MID1: variants seen among roughly 807,000 people sequenced by gnomAD.
MID1 encodes E3 ubiquitin-protein ligase Midline-1.
MID1 carries 7 observed loss-of-function variants against 40.4 expected under a neutral mutation model. The observed-to-expected ratio is 0.17, with a 90% CI of 0.10 to 0.33. MID1 has a LOEUF of 0.33. MID1 is among the 10% of genes least tolerant of loss of function. The pLI is 1.00. For missense variants in MID1, 367 were observed against 558.5 expected (o/e 0.66, Z 3.46); for synonymous variants, 229 against 221.2 (o/e 1.04, Z -0.31).
chrX:10,577,421 CT>C (rs1234957295), intron 1 of MID1, among the ~76,000 whole-genome samples: 1 of 111,445 alleles, frequency 9.0e-6, no homozygotes, highest in Non-Finnish European at 1.9e-5. Flanking sequence ...CCTTTATCTT[CT>C]GAATTAATGT....
chrX:10,544,952 G>GTTTGT (rs926018235), intron 2 of MID1, among the ~76,000 whole-genome samples: 8 of 111,775 alleles, frequency 7.2e-5, no homozygotes, highest in Non-Finnish European at 1.5e-4. Flanking sequence ...TTGTTTGTTT[G>GTTTGT]TTTGTTTTGT....
chrX:10,768,144 G>A (rs867159562), intron 1 of MID1, among the ~76,000 whole-genome samples: 1 of 111,510 alleles, frequency 9.0e-6, no homozygotes, highest in African/African-American at 3.3e-5. Context: ...GAAACGAGTT[G>A]TTTTTATTAT....
intron 1 of MID1, among the ~76,000 whole-genome samples, chrX:10,718,556 T>C (rs2043323045): frequency 9.0e-6 from 1 of 111,513 alleles, no homozygotes; most frequent in African/African-American, 3.3e-5. Context: ...CAATAATTAA[T>C]AGCTTACCAA....
intron 1 of MID1, among the ~76,000 whole-genome samples, chrX:10,630,399 A>G (rs1305153125): frequency 9.0e-6 from 1 of 111,128 alleles, no homozygotes; most frequent in Non-Finnish European, 1.9e-5. Flanking sequence ...GGGCAGAGGA[A>G]ACAGTGATTG....
At position 10,620,412 on chromosome X, in the gene MID1, G is replaced by A. The variant is rs1001421910; in HGVS notation, c.-179C>T. The A allele has an allele frequency of 8.9e-6, 1 of 112,857 alleles. No homozygotes were observed. The highest frequency in any genetic ancestry group is 2.8e-4 in the East Asian group (1 of 3,592). 9.3% of individuals were successfully genotyped at this position (112,857 alleles called of 1,213,427 possible). ...GGAGCCCGCAAGACAAAAGCAACCC[G>A]GCGAAATCTACGGGCAGCAAAGAGC... On this transcript the variant is annotated 5_prime_UTR_variant, in exon 1 of 10. Coordinates refer to ENST00000317552, the MANE Select transcript of MID1 (RefSeq NM_000381.4).
At chrX:10,463,380 A>G (rs937664044) in intron 7 of MID1, among the ~76,000 whole-genome samples, 2 of 111,937 alleles carry the variant, frequency 1.8e-5, no homozygotes, top group African/African-American at 6.5e-5. Flanking sequence ...AAGATTTTCT[A>G]GTGATATAAG....
chrX:10,738,382 T>A lies in MID1; in HGVS notation c.-187+95172A>T, dbSNP rs1332169767. Among the ~76,000 whole-genome samples the A allele has an allele frequency of 2.7e-5, 3 of 110,895 alleles. No individual in the cohort carries two copies. In the East Asian group the frequency reaches 8.6e-4, roughly 32 times the overall value. ...CTAAGGTCACAGTCACACCATCTCC[T>A]TTTGGTAAACAGAAGGAGGTCCCAC... On this transcript the variant is annotated intron_variant, in intron 1 of 10. Coordinates refer to the MID1 transcript ENST00000380785.
At chrX:10,565,610 G>A (rs1602412377) in intron 2 of MID1, 1 of 280,756 alleles carries the variant, frequency 3.6e-6, no homozygotes, top group Middle Eastern at 5.7e-4. Flanking sequence ...TATTTACTTA[G>A]AGCTTTTAAT....
intron 1 of MID1, among the ~76,000 whole-genome samples, chrX:10,749,281 A>G (rs982646547): frequency 3.6e-5 from 4 of 111,108 alleles, no homozygotes; most frequent in African/African-American, 1.3e-4. Context: ...AATGAGCCTG[A>G]GGAGAAGACC....
In MID1 at chrX:10,447,650, T is replaced by G; in HGVS notation, c.*1718A>C. The G allele has an allele frequency of 9.0e-6, 1 of 111,551 alleles. No individual in the cohort carries two copies. Among genetic ancestry groups the G allele is most frequent in the Non-Finnish European group, 1.9e-5 (1 of 53,126 alleles). The allele number at this position is 111,551 out of a possible 1,213,427, so 9.2% of individuals were successfully genotyped here. A position where few individuals can be genotyped will look rare whatever the true frequency, so the allele number is the denominator to read the frequency against. ...ATCAAAATATTCATCTGGGTATAAA[T>G]AATATAGTAAATATATAGAATCTAT... On this transcript the variant is annotated 3_prime_UTR_variant, in exon 10 of 10. Coordinates refer to ENST00000317552, the MANE Select transcript of MID1 (RefSeq NM_000381.4).
At chrX:10,475,525 T>A (rs1198757132) in intron 5 of MID1, among the ~76,000 whole-genome samples, 1 of 112,094 alleles carries the variant, frequency 8.9e-6, no homozygotes, top group African/African-American at 3.2e-5. Flanking sequence ...TTTGGAAGGT[T>A]CAGTTATTAA....
chrX:10,477,868 C>T (rs1206966711), intron 5 of MID1, among the ~76,000 whole-genome samples: 1 of 112,601 alleles, frequency 8.9e-6, no homozygotes, highest in Non-Finnish European at 1.9e-5. Flanking sequence ...TGAAAACGTG[C>T]AGTTATCTTA....
At chrX:10,728,522 A>C (rs2043415851) in intron 1 of MID1, among the ~76,000 whole-genome samples, 1 of 112,487 alleles carries the variant, frequency 8.9e-6, no homozygotes, top group East Asian at 2.8e-4. Context: ...GTTTGCTTCT[A>C]TTATATTAAT....
intron 6 of MID1, among the ~76,000 whole-genome samples, chrX:10,473,479 C>T (rs939524364): frequency 8.9e-6 from 1 of 111,955 alleles, no homozygotes; most frequent in African/African-American, 3.2e-5. Flanking sequence ...TGGGTCCTCG[C>T]AAAGAAAAAA....
intron 1 of MID1, among the ~76,000 whole-genome samples, chrX:10,728,171 T>C (rs1437888900): frequency 9.0e-6 from 1 of 111,175 alleles, no homozygotes; most frequent in Non-Finnish European, 1.9e-5. Flanking sequence ...TGGATGGATC[T>C]TTAAAACTCA....
intron 6 of MID1, among the ~76,000 whole-genome samples, chrX:10,470,535 A>AT (rs1929647580): frequency 8.9e-6 from 1 of 112,521 alleles, no homozygotes; most frequent in Non-Finnish European, 1.9e-5. Context: ...GATGACTTAC[A>AT]TAAAAAAAAG....
At chrX:10,823,293 T>C (rs2044190553) in intron 1 of MID1, among the ~76,000 whole-genome samples, 1 of 110,672 alleles carries the variant, frequency 9.0e-6, no homozygotes. Context: ...GGACACATTA[T>C]GGGGGAACGA....
intron 2 of MID1, among the ~76,000 whole-genome samples, chrX:10,554,295 G>A (rs1305395263): frequency 8.9e-6 from 1 of 111,957 alleles, no homozygotes; most frequent in Non-Finnish European, 1.9e-5. Flanking sequence ...ATTTACAAAT[G>A]CTAGTTATTA....
Position 10,635,940 on chromosome X carries a change from G to C in MID1, c.-186-15521C>G, listed in dbSNP as rs749122168. ...ATTCTTCAGTTAACAATTTAAATCA[G>C]TGCTTAGTTGTCCCAGACTACAAAA... is the stretch of plus-strand genomic sequence containing the variant. On this transcript the variant is annotated intron_variant, in intron 1 of 10. Transcript: ENST00000380785. Among the ~76,000 whole-genome samples the C allele has an allele frequency of 2.2e-4, 25 of 112,261 alleles. No homozygotes were observed. The East Asian group carries it at 6.7e-3, about 30-fold the overall frequency.
Sources: allele counts gnomAD v4.1 joint callset (sites outside exome capture counted in the v4.1 genomes callset), GRCh38; gene constraint gnomAD v4.1.1; transcripts MANE v1.5; gene names NCBI Gene and HGNC (gene_info 2026-07-23, HGNC 2026-07-21).